MARCO: variants seen among roughly 807,000 people sequenced by gnomAD.
MARCO encodes the protein macrophage receptor with collagenous structure, also known as macrophage receptor MARCO.
Under a neutral mutation model 70.0 loss-of-function variants are expected in MARCO, and 72 were observed. That is an observed-to-expected ratio of 1.03 (90% CI 0.85 to 1.25). The LOEUF (loss-of-function observed/expected upper bound fraction) is 1.25, where lower values mean the gene tolerates loss of function less well. Ranked by LOEUF, MARCO falls within the 50% of genes most tolerant of loss-of-function variation. MARCO has a pLI of 0.00. For missense variants in MARCO, 696 were observed against 659.3 expected (o/e 1.06, Z -0.61); for synonymous variants, 273 against 243.1 (o/e 1.12, Z -1.14).
Position 118,942,361 on chromosome 2 carries a change from T to C in MARCO, c.61T>C (p.Phe21Leu). The change falls in exon 1 of 17, where the codon TTT becomes CTT. Residue 21 changes from phenylalanine to leucine, a missense_variant. Physicochemically the swap from Phe to Leu is conservative, Grantham distance 22. Around this residue, in one of 3 missense-constraint regions of MARCO, gnomAD observed 605 missense variants for 537.6 expected, o/e 1.13. Transcript: ENST00000327097. ...ELLSETQQAA[F>L]HQIAMEPFEI... Reference sequence around the variant, plus strand: ...CTTGAGTGAGACCCAACAAGCTGCTTTTCACCAAATTGCAATGGAGCCTTT... The same window carrying C: ...CTTGAGTGAGACCCAACAAGCTGCTCTTCACCAAATTGCAATGGAGCCTTT... The C allele has an allele frequency of 6.2e-7, 1 of 1,613,820 alleles. No homozygotes were observed. The highest frequency in any genetic ancestry group is 2.2e-5 in the East Asian group (1 of 44,830).
At chr2:118,954,684 G>A (rs185976010) in intron 1 of MARCO, among the ~76,000 whole-genome samples, 6 of 152,162 alleles carry the variant, frequency 3.9e-5, no homozygotes, top group East Asian at 1.9e-4. Flanking sequence ...TGCTGCGTCC[G>A]CTGGAACAGG....
chr2:118,986,856 A>G (rs1003330522), intron 12 of MARCO, among the ~76,000 whole-genome samples: 9 of 152,172 alleles, frequency 5.9e-5, no homozygotes, highest in African/African-American at 2.2e-4. Flanking sequence ...TTCACTCAGA[A>G]TCAGGAGATC....
chr2:118,966,380 G>C (rs1336526815), intron 1 of MARCO, among the ~76,000 whole-genome samples: 1 of 152,118 alleles, frequency 6.6e-6, no homozygotes, highest in African/African-American at 2.4e-5. Context: ...GGTCAAACCT[G>C]ATCCAGAATA....
At chr2:118,990,828 C>G (rs991976759) in intron 13 of MARCO, among the ~76,000 whole-genome samples, 195 bp downstream of exon 13, 1 of 152,110 alleles carries the variant, frequency 6.6e-6, no homozygotes, top group Admixed American at 6.5e-5. Flanking sequence ...ACTCAACATC[C>G]TGAGGGGTGT....
At position 118,994,485 on chromosome 2, in the gene MARCO, C is replaced by A; in HGVS notation, c.1528C>A (p.His510Asn). 1 of 1,611,930 alleles carries A rather than the reference C, an allele frequency of 6.2e-7. No individual in the cohort carries two copies. Among genetic ancestry groups the A allele is most frequent in the Non-Finnish European group, 8.5e-7 (1 of 1,178,802 alleles). ...KNSWGHHDCS[H>N]EEDAGVECSV is the part of the protein sequence containing the mutation. Reference sequence around the variant, plus strand: ...TAGCTGGGGCCATCATGACTGCAGCCACGAGGAGGACGCAGGCGTGGAGTG... The same window carrying A: ...TAGCTGGGGCCATCATGACTGCAGCAACGAGGAGGACGCAGGCGTGGAGTG... Residue 510 changes from histidine to asparagine, a missense_variant, in exon 17 of 17, where the codon CAC becomes AAC. This residue lies in a region of MARCO where 58 missense variants were observed against 62.1 expected (regional missense o/e 0.93). Coordinates refer to ENST00000327097, the MANE Select transcript of MARCO (RefSeq NM_006770.4).
chr2:118,949,111 G>A (rs934170564), intron 1 of MARCO, among the ~76,000 whole-genome samples: 1 of 152,194 alleles, frequency 6.6e-6, no homozygotes, highest in African/African-American at 2.4e-5. Flanking sequence ...GCCCTCGCAG[G>A]CTGATCCGCA....
rs117248626 is a variant in MARCO, at chr2:118,950,715, G to A, written c.97+8318G>A. ...AACTTTCTGAGTTGTTGCTAACATC[G>A]CTTTCTTTAAACAACCAGTTAATTT... On this transcript the variant is annotated intron_variant, in intron 1 of 16. Coordinates refer to ENST00000327097, the MANE Select transcript of MARCO (RefSeq NM_006770.4). Among the ~76,000 whole-genome samples the A allele has an allele frequency of 7.1e-4, 108 of 152,024 alleles. 2 individuals are homozygous for A. In the East Asian group the frequency reaches 0.018, roughly 25 times the overall value.
intron 12 of MARCO, among the ~76,000 whole-genome samples, chr2:118,988,774 A>G (rs140737803): frequency 1.7e-3 from 254 of 152,252 alleles, no homozygotes; most frequent in Admixed American, 2.5e-3. Flanking sequence ...TCAATAGCAG[A>G]CATTTTCTGG....
intron 8 of MARCO, among the ~76,000 whole-genome samples, chr2:118,978,267 G>A (rs994684659): frequency 2.6e-5 from 4 of 152,176 alleles, no homozygotes; most frequent in African/African-American, 9.7e-5. Context: ...AAGGGCAAGG[G>A]GATTGATTCA....
chr2:118,982,001 C>T (rs1449288716), intron 10 of MARCO, among the ~76,000 whole-genome samples, 155 bp from the exon 11 acceptor site: 1 of 152,208 alleles, frequency 6.6e-6, no homozygotes, highest in African/African-American at 2.4e-5. Context: ...AGAGGGCTAG[C>T]TCATGGCTTC....
intron 4 of MARCO, 105 bp from the exon 5 acceptor site, chr2:118,974,228 T>C: frequency 1.3e-6 from 1 of 747,380 alleles, no homozygotes; most frequent in Non-Finnish European, 2.3e-6. Context: ...CTCATCCCCA[T>C]GCTCAGTGAA....
chr2:118,943,474 G>T (rs780277813), intron 1 of MARCO, among the ~76,000 whole-genome samples: 1 of 152,220 alleles, frequency 6.6e-6, no homozygotes, highest in Non-Finnish European at 1.5e-5. Flanking sequence ...GAGGAAACAG[G>T]CTTGAATAAA....
At chr2:118,973,961 G>T (rs1680225113) in intron 4 of MARCO, among the ~76,000 whole-genome samples, 1 of 152,200 alleles carries the variant, frequency 6.6e-6, no homozygotes. Context: ...CTGTGAGCTT[G>T]CCTTGTGTGT....
chr2:118,982,326 C>T (rs369366689), intron 11 of MARCO, 22 bp from the exon 12 acceptor site: 156 of 1,613,588 alleles, frequency 9.7e-5, no homozygotes, highest in Non-Finnish European at 1.3e-4. Context: ...CCCTTATGCT[C>T]TCTGTGGTGT....
chr2:118,986,693 G>GA (rs1298561853), intron 12 of MARCO, among the ~76,000 whole-genome samples: 1 of 73,640 alleles, frequency 1.4e-5, no homozygotes, highest in East Asian at 7.7e-4. Context: ...AAGAAAGAAA[G>GA]AAAGAAAGAA....
intron 12 of MARCO, among the ~76,000 whole-genome samples, chr2:118,986,601 GA>G (rs1420119879): frequency 9.3e-5 from 1 of 10,788 alleles, no homozygotes; most frequent in South Asian, 5.9e-3. Flanking sequence ...AAGAAAGAAA[GA>G]AAGAAAGAAA....
chr2:118,978,299 C>T (rs888313461), intron 8 of MARCO, among the ~76,000 whole-genome samples: 2 of 152,172 alleles, frequency 1.3e-5, no homozygotes, highest in African/African-American at 2.4e-5. Flanking sequence ...CCCAGGCAGC[C>T]AGAATCCCCC....
Position 118,982,423 on chromosome 2 carries a change from G to A in MARCO, c.1063+13G>A, listed in dbSNP as rs747544419. ...AAAGGGGACACAGGTAACAGAGGGT[G>A]CAGTGGGTGAGTAGGTGGGCTTGCT... On this transcript the variant is annotated intron_variant, in intron 12 of 16. Coordinates refer to ENST00000327097, the MANE Select transcript of MARCO (RefSeq NM_006770.4). 4 of 1,613,578 alleles carry A rather than the reference G, an allele frequency of 2.5e-6. No homozygotes were observed. The South Asian group carries it at 3.3e-5, about 13-fold the overall frequency.
rs534643409 is a variant in MARCO at position 118,994,642 on chromosome 2, A to G, written c.*122A>G. On this transcript the variant is annotated 3_prime_UTR_variant, in exon 17 of 17. Coordinates refer to ENST00000327097, the MANE Select transcript of MARCO (RefSeq NM_006770.4). ...CAGCCTCTGGAGAGGGGCCATTAAT[A>G]AAGCTCAACATCATTGGCTGTGGCT... is the stretch of plus-strand genomic sequence containing the variant. 4,745 of 925,200 alleles carry G rather than the reference A, an allele frequency of 5.1e-3. 14 individuals carry two copies. The highest frequency in any genetic ancestry group is 6.2e-3 in the Non-Finnish European group (3,894 of 628,196). The allele number at this position is 925,200 out of a possible 1,614,324, so 57.3% of individuals were successfully genotyped here.
Sources: allele counts gnomAD v4.1 joint callset (sites outside exome capture counted in the v4.1 genomes callset), GRCh38; gene constraint gnomAD v4.1.1; regional missense constraint gnomAD v4.1.1; transcripts MANE v1.5; gene names NCBI Gene and HGNC (gene_info 2026-07-23, HGNC 2026-07-21).